Variants in KLHL1 observed in about 807,000 individuals in gnomAD.
The protein encoded by KLHL1 is kelch like family member 1, also known as kelch-like protein 1.
KLHL1 carries 47 observed loss-of-function variants against 77.7 expected under a neutral mutation model. That is an observed-to-expected ratio of 0.60 (90% CI 0.48 to 0.77). The LOEUF is 0.77. Ranked by LOEUF, KLHL1 falls within the 30% of genes least tolerant of loss-of-function variation. KLHL1 has a pLI of 0.00. For missense variants in KLHL1, 925 were observed against 910.8 expected (o/e 1.02, Z -0.20); for synonymous variants, 360 against 325.2 (o/e 1.11, Z -1.15).
intron 3 of KLHL1, among the ~76,000 whole-genome samples, chr13:69,953,236 A>G (rs1440333434): frequency 1.3e-5 from 2 of 151,282 alleles, no homozygotes; most frequent in Admixed American, 6.6e-5. Context: ...ATCAATGACA[A>G]TTCTCCATTT....
At chr13:69,885,240 CTTCTT>C (rs1244307657) in intron 4 of KLHL1, among the ~76,000 whole-genome samples, 1 of 136,826 alleles carries the variant, frequency 7.3e-6, no homozygotes, top group Non-Finnish European at 1.5e-5. Context: ...GCGCCCGGCC[CTTCTT>C]TTCTTTTTAT....
At chr13:69,818,992 G>C (rs1276706609) in intron 6 of KLHL1, among the ~76,000 whole-genome samples, 2 of 152,156 alleles carry the variant, frequency 1.3e-5, no homozygotes, top group African/African-American at 4.8e-5. Context: ...ACAGAGAATT[G>C]TAAGTGTATC....
At chr13:70,081,649 A>T (rs1360847035) in intron 1 of KLHL1, among the ~76,000 whole-genome samples, 2 of 152,202 alleles carry the variant, frequency 1.3e-5, no homozygotes, top group Admixed American at 1.3e-4. Context: ...CTATTAAGAT[A>T]AATTCTTTCA....
Position 69,839,164 on chromosome 13 carries a change from T to C in KLHL1, c.1228-2A>G. Reference sequence around the variant, plus strand: ...ATGATTTTCTAGGTCAGCCAATATCTGTGAATAATACACAATAGCTGTTAA... The same window carrying C: ...ATGATTTTCTAGGTCAGCCAATATCCGTGAATAATACACAATAGCTGTTAA... On this transcript the variant is annotated splice_acceptor_variant, in intron 5 of 10. Transcript: ENST00000377844. LOFTEE classifies it high-confidence loss of function. 6.3e-7 allele frequency: 1 copy of C among 1,578,814 alleles called. No individual in the cohort carries two copies. The highest frequency in any genetic ancestry group is 8.7e-7 in the Non-Finnish European group (1 of 1,155,848).
intron 9 of KLHL1, among the ~76,000 whole-genome samples, chr13:69,715,254 G>T (rs935174351): frequency 5.3e-5 from 8 of 152,164 alleles, no homozygotes; most frequent in Non-Finnish European, 8.8e-5. Context: ...ATCCCCAGGT[G>T]CTGAGGGAGA....
At chr13:69,787,491 CT>C (rs1473634659) in intron 7 of KLHL1, among the ~76,000 whole-genome samples, 1 of 152,172 alleles carries the variant, frequency 6.6e-6, no homozygotes, top group Non-Finnish European at 1.5e-5. Flanking sequence ...CTTCCTTACA[CT>C]TTATACAAAA....
intron 1 of KLHL1, among the ~76,000 whole-genome samples, chr13:70,018,352 A>G (rs1246815368): frequency 6.6e-6 from 1 of 152,220 alleles, no homozygotes; most frequent in Admixed American, 6.5e-5. Context: ...TTGAACTCAA[A>G]TAGTGGGGTT....
intron 1 of KLHL1, among the ~76,000 whole-genome samples, chr13:70,104,773 C>G (rs993046822): frequency 1.3e-5 from 2 of 152,028 alleles, no homozygotes; most frequent in Non-Finnish European, 2.9e-5. Context: ...CACCATGTAG[C>G]TTTTCTGGAT....
chr13:69,927,146 A>C (rs1373543764), intron 4 of KLHL1, among the ~76,000 whole-genome samples: 1 of 152,102 alleles, frequency 6.6e-6, no homozygotes, highest in African/African-American at 2.4e-5. Flanking sequence ...TCCATGGAGA[A>C]AAATGTTATT....
intron 1 of KLHL1, among the ~76,000 whole-genome samples, chr13:70,016,402 TG>T (rs1298383346): frequency 2.0e-5 from 3 of 152,206 alleles, no homozygotes; most frequent in Admixed American, 6.5e-5. Flanking sequence ...CATGCACTCT[TG>T]GGGGCCCAGG....
At chr13:69,703,216 G>A (rs554770196) in intron 10 of KLHL1, among the ~76,000 whole-genome samples, 3 of 151,474 alleles carry the variant, frequency 2.0e-5, no homozygotes, top group Non-Finnish European at 3.0e-5. Flanking sequence ...AAATTCCATC[G>A]TCTGGTAATG....
chr13:69,748,841 T>C (rs1260180591), intron 7 of KLHL1, among the ~76,000 whole-genome samples: 1 of 151,970 alleles, frequency 6.6e-6, no homozygotes, highest in East Asian at 1.9e-4. Context: ...AGCAGAATGA[T>C]AGAGCAAGTA....
chr13:70,045,866 T>A (rs1886483372), intron 1 of KLHL1, among the ~76,000 whole-genome samples: 1 of 152,196 alleles, frequency 6.6e-6, no homozygotes, highest in Non-Finnish European at 1.5e-5. Context: ...ACAGAGCACC[T>A]TCCTCTATCT....
intron 1 of KLHL1, among the ~76,000 whole-genome samples, chr13:70,072,690 A>G (rs1281333668): frequency 6.6e-6 from 1 of 152,136 alleles, no homozygotes; most frequent in Non-Finnish European, 1.5e-5. Context: ...CTGAAGAAAA[A>G]AAAAGGGGGA....
intron 1 of KLHL1, among the ~76,000 whole-genome samples, chr13:70,058,261 T>C (rs535506757): frequency 6.6e-6 from 1 of 152,268 alleles, no homozygotes; most frequent in Admixed American, 6.5e-5. Flanking sequence ...ATAAAGAATA[T>C]GCAAATTAGA....
intron 7 of KLHL1, among the ~76,000 whole-genome samples, chr13:69,749,846 C>T (rs941050860): frequency 6.6e-6 from 1 of 151,860 alleles, no homozygotes; most frequent in Non-Finnish European, 1.5e-5. Context: ...TTTTTCTTTA[C>T]ACTTGTTAAT....
chr13:69,712,257 C>T (rs1875910333), intron 9 of KLHL1, among the ~76,000 whole-genome samples: 2 of 72,530 alleles, frequency 2.8e-5, no homozygotes, highest in South Asian at 2.2e-3. Flanking sequence ...TCTTTCACAC[C>T]TCATTTTTTT....
chr13:69,904,926 A>G (rs1881998066), intron 4 of KLHL1, among the ~76,000 whole-genome samples: 1 of 152,158 alleles, frequency 6.6e-6, no homozygotes, highest in African/African-American at 2.4e-5. Flanking sequence ...ATTTTCTACA[A>G]TAATAATATG....
intron 1 of KLHL1, among the ~76,000 whole-genome samples, chr13:70,056,370 GA>G (rs1211916820): frequency 6.6e-6 from 1 of 152,034 alleles, no homozygotes; most frequent in Non-Finnish European, 1.5e-5. Flanking sequence ...GAAAGAGACA[GA>G]CCCCAATATA....
Sources: allele counts gnomAD v4.1 joint callset (sites outside exome capture counted in the v4.1 genomes callset), GRCh38; gene constraint gnomAD v4.1.1; transcripts MANE v1.5; gene names NCBI Gene and HGNC (gene_info 2026-07-23, HGNC 2026-07-21).